The following PRR5L variants were observed in gnomAD, a reference collection of about 807,000 sequenced individuals.
PRR5L encodes the protein proline-rich protein 5-like.
Under a neutral mutation model 36.4 loss-of-function variants are expected in PRR5L, and 21 were observed. The observed-to-expected ratio is 0.58, with a 90% CI of 0.41 to 0.83. The LOEUF is 0.83. PRR5L is among the 40% of genes least tolerant of loss of function. PRR5L has a pLI of 0.00. For synonymous variants in PRR5L, 188 were observed against 197.0 expected, an observed-to-expected ratio of 0.95 and a Z score of 0.38; for missense variants, 381 against 473.3, an observed-to-expected ratio of 0.80 and a Z score of 1.81.
chr11:36,426,137 C>T (rs1564945406), intron 4 of PRR5L: 2 of 152,294 alleles, frequency 1.3e-5, no homozygotes, highest in African/African-American at 2.4e-5. Context: ...AGCCAACTGC[C>T]CCAGTATCTG....
intron 1 of PRR5L, among the ~76,000 whole-genome samples, chr11:36,319,211 C>T (rs1434024541): frequency 6.6e-6 from 1 of 152,168 alleles, no homozygotes; most frequent in Non-Finnish European, 1.5e-5. Context: ...CTGATTAGGA[C>T]CAGTGAGGGC....
intron 4 of PRR5L, among the ~76,000 whole-genome samples, chr11:36,430,670 A>G (rs147003350): frequency 1.0e-3 from 154 of 152,318 alleles, no homozygotes; most frequent in African/African-American, 3.3e-3. Flanking sequence ...AAGGACATAA[A>G]ATACTGTGTG....
intron 1 of PRR5L, among the ~76,000 whole-genome samples, chr11:36,333,329 C>T (rs934650005): frequency 6.6e-6 from 1 of 152,112 alleles, no homozygotes; most frequent in African/African-American, 2.4e-5. Context: ...TGGCTGTTTC[C>T]CATATTGCTA....
intron 4 of PRR5L, among the ~76,000 whole-genome samples, chr11:36,424,371 T>A (rs1386202520): frequency 6.6e-6 from 1 of 152,180 alleles, no homozygotes; most frequent in Non-Finnish European, 1.5e-5. Context: ...TACACAAGTA[T>A]GTATTTGCAA....
At chr11:36,423,428 A>C (rs1858314485) in intron 4 of PRR5L, among the ~76,000 whole-genome samples, 1 of 152,148 alleles carries the variant, frequency 6.6e-6, no homozygotes, top group South Asian at 2.1e-4. Context: ...GGCCCAGAAA[A>C]GGCAATTATA....
intron 1 of PRR5L, among the ~76,000 whole-genome samples, chr11:36,354,130 C>A (rs1262923541): frequency 6.6e-6 from 1 of 152,188 alleles, no homozygotes; most frequent in East Asian, 1.9e-4. Flanking sequence ...CAAATTACTT[C>A]TTTAACCTCA....
chr11:36,363,917 A>G (rs1186639174), intron 1 of PRR5L, among the ~76,000 whole-genome samples: 4 of 152,254 alleles, frequency 2.6e-5, no homozygotes, highest in African/African-American at 4.8e-5. Flanking sequence ...TTTAATTTCC[A>G]GGTCTACAGA....
intron 3 of PRR5L, among the ~76,000 whole-genome samples, chr11:36,408,539 A>G (rs11033599): frequency 0.054 from 8,208 of 152,276 alleles, 312 homozygotes; most frequent in African/African-American, 0.11. Flanking sequence ...TCCATCTGCC[A>G]GAGTTCGGGC....
intron 1 of PRR5L, among the ~76,000 whole-genome samples, chr11:36,387,241 G>C (rs1708897844): frequency 6.6e-6 from 1 of 151,966 alleles, no homozygotes; most frequent in African/African-American, 2.4e-5. Context: ...ACACAGGGTG[G>C]GGAACACCAC....
intron 1 of PRR5L, chr11:36,388,313 G>A (rs1220281099): frequency 6.6e-6 from 1 of 152,216 alleles, no homozygotes; most frequent in African/African-American, 2.4e-5. Context: ...GCTGAATCCT[G>A]ACTTCCTCCT....
intron 8 of PRR5L, among the ~76,000 whole-genome samples, chr11:36,453,062 G>A (rs1858975871): frequency 6.6e-6 from 1 of 152,226 alleles, no homozygotes; most frequent in Non-Finnish European, 1.5e-5. Context: ...AAGGGAAATA[G>A]ATGGCAGATA....
At chr11:36,339,873 C>A (rs1366300937) in intron 1 of PRR5L, among the ~76,000 whole-genome samples, 3 of 152,260 alleles carry the variant, frequency 2.0e-5, no homozygotes, top group Non-Finnish European at 2.9e-5. Context: ...CTTGCCCCAG[C>A]CTGGGCACTG....
intron 2 of PRR5L, among the ~76,000 whole-genome samples, chr11:36,402,237 T>C (rs1430525819): frequency 6.6e-6 from 1 of 152,204 alleles, no homozygotes; most frequent in Non-Finnish European, 1.5e-5. Context: ...TGGATCGTTA[T>C]GGATCTTTTC....
chr11:36,313,715 A>T (rs1257202853), intron 1 of PRR5L, among the ~76,000 whole-genome samples: 1 of 152,234 alleles, frequency 6.6e-6, no homozygotes, highest in Non-Finnish European at 1.5e-5. Flanking sequence ...TAGTTTTAAC[A>T]GCATGATTGA....
At chr11:36,387,123 G>A (rs1857472586) in intron 1 of PRR5L, among the ~76,000 whole-genome samples, 1 of 152,116 alleles carries the variant, frequency 6.6e-6, no homozygotes, top group Non-Finnish European at 1.5e-5. Flanking sequence ...ATCTGGGTGT[G>A]TATATAATAC....
intron 1 of PRR5L, among the ~76,000 whole-genome samples, chr11:36,361,891 AG>A (rs1156689464): frequency 6.6e-6 from 1 of 151,974 alleles, no homozygotes; most frequent in Non-Finnish European, 1.5e-5. Flanking sequence ...TCTTCCCTCG[AG>A]GGGCTTGGGA....
At chr11:36,362,636 C>T (rs559972966) in intron 1 of PRR5L, among the ~76,000 whole-genome samples, 187 of 152,322 alleles carry the variant, frequency 1.2e-3, no homozygotes, top group Admixed American at 3.1e-3. Context: ...TCAATTATGT[C>T]TGTCCTCCCT....
intron 6 of PRR5L, among the ~76,000 whole-genome samples, chr11:36,442,366 G>T (rs1858740443): frequency 6.8e-6 from 1 of 148,114 alleles, no homozygotes; most frequent in African/African-American, 2.5e-5. Context: ...TTTCGAGACA[G>T]AGTCTCACTC....
chr11:36,423,031 A>G (rs574080524), intron 4 of PRR5L, among the ~76,000 whole-genome samples: 34 of 152,248 alleles, frequency 2.2e-4, no homozygotes, highest in African/African-American at 7.5e-4. Flanking sequence ...GCTATTCTGT[A>G]TCTACTGGCT....
Sources: allele counts gnomAD v4.1 joint callset (sites outside exome capture counted in the v4.1 genomes callset), GRCh38; gene constraint gnomAD v4.1.1; transcripts MANE v1.5; gene names NCBI Gene and HGNC (gene_info 2026-07-23, HGNC 2026-07-21).